The following SLC13A1 variants were observed in gnomAD, a reference collection of about 807,000 sequenced individuals.
The protein encoded by SLC13A1 is solute carrier family 13 member 1, also known as Na(+)/sulfate cotransporter.
Under a neutral mutation model 70.0 loss-of-function variants are expected in SLC13A1, and 65 were observed. The ratio of observed to expected loss-of-function variants is 0.93; its 90% CI spans 0.76 to 1.14. The LOEUF is 1.14. SLC13A1 is among the 50% of genes most tolerant of loss of function. The probability of loss-of-function intolerance (pLI) is 0.00; values close to 1 mark genes in which losing one functional copy is unlikely to be tolerated. For synonymous variants in SLC13A1, 275 were observed against 250.5 expected (o/e 1.10, Z -0.92); for missense variants, 726 against 717.8 (o/e 1.01, Z -0.13).
Position 123,133,622 on chromosome 7 carries a change from C to T in SLC13A1, c.932+788G>A, listed in dbSNP as rs1793844208. On this transcript the variant is annotated intron_variant, in intron 8 of 14. Transcript: ENST00000194130. ...GCGAGATCTTGGCTCACTGCAACCT[C>T]CGCCTCCCGGGTTCAAGCAATTCTC... Among the ~76,000 whole-genome samples, 3 of 152,250 alleles carry T rather than the reference C, an allele frequency of 2.0e-5. No individual in the cohort carries two copies. The South Asian group carries it at 6.2e-4, about 32-fold the overall frequency.
At chr7:123,179,904 CCTT>C (rs1460780661) in intron 2 of SLC13A1, among the ~76,000 whole-genome samples, 7 of 152,096 alleles carry the variant, frequency 4.6e-5, no homozygotes, top group African/African-American at 1.7e-4. Context: ...CTGATCAACC[CCTT>C]CTTTTTTTAT....
intron 2 of SLC13A1, among the ~76,000 whole-genome samples, chr7:123,174,017 T>C (rs1795363511): frequency 6.6e-6 from 1 of 151,884 alleles, no homozygotes; most frequent in Non-Finnish European, 1.5e-5. Context: ...CTGTGAATTT[T>C]TCTTTTTTTT....
chr7:123,156,136 C>G (rs775360227), intron 6 of SLC13A1, among the ~76,000 whole-genome samples: 1 of 152,028 alleles, frequency 6.6e-6, no homozygotes, highest in Non-Finnish European at 1.5e-5. Flanking sequence ...TGGCTTTTTT[C>G]ATTACCGATT....
At chr7:123,142,764 T>A (rs960188308) in intron 7 of SLC13A1, among the ~76,000 whole-genome samples, 1 of 150,958 alleles carries the variant, frequency 6.6e-6, no homozygotes, top group Non-Finnish European at 1.5e-5. Flanking sequence ...ACTACAGATA[T>A]GTGCCACCAT....
chr7:123,126,706 T>C (rs1793574000), intron 10 of SLC13A1, among the ~76,000 whole-genome samples: 1 of 152,120 alleles, frequency 6.6e-6, no homozygotes, highest in East Asian at 1.9e-4. Context: ...TTTTCTTTCA[T>C]TACTAGTTAA....
chr7:123,122,133 C>G (rs1206192305), intron 12 of SLC13A1, among the ~76,000 whole-genome samples: 1 of 152,034 alleles, frequency 6.6e-6, no homozygotes, highest in Non-Finnish European at 1.5e-5. Flanking sequence ...CTTTGAGTGT[C>G]TAGGATCCAA....
chr7:123,148,676 G>A, intron 6 of SLC13A1: 1 of 284,800 alleles, frequency 3.5e-6, no homozygotes, highest in Non-Finnish European at 7.0e-6. Flanking sequence ...CATTTCAGTA[G>A]TTAAACAGTG....
chr7:123,196,043 A>G (rs1796166211), intron 1 of SLC13A1, among the ~76,000 whole-genome samples: 1 of 152,114 alleles, frequency 6.6e-6, no homozygotes, highest in South Asian at 2.1e-4. Context: ...TGACTGCTGA[A>G]AAGAGTAAAA....
chr7:123,133,429 C>T (rs1793837066), intron 8 of SLC13A1, among the ~76,000 whole-genome samples: 1 of 150,314 alleles, frequency 6.7e-6, no homozygotes, highest in Non-Finnish European at 1.5e-5. Context: ...TTAAAATTCC[C>T]CTTTAACAAG....
At chr7:123,175,936 G>A (rs1480011341) in intron 2 of SLC13A1, among the ~76,000 whole-genome samples, 3 of 152,182 alleles carry the variant, frequency 2.0e-5, no homozygotes, top group Non-Finnish European at 4.4e-5. Context: ...ATATTGTAGA[G>A]GGCCAAGCAG....
At chr7:123,157,358 GAT>G (rs1212096309) in intron 6 of SLC13A1, among the ~76,000 whole-genome samples, 1 of 152,020 alleles carries the variant, frequency 6.6e-6, no homozygotes, top group Non-Finnish European at 1.5e-5. Flanking sequence ...TGTGAATTTG[GAT>G]ATGTTTATAA....
intron 2 of SLC13A1, among the ~76,000 whole-genome samples, chr7:123,173,110 T>C (rs1308134708): frequency 1.3e-5 from 2 of 151,984 alleles, no homozygotes; most frequent in Non-Finnish European, 1.5e-5. Flanking sequence ...TCTAAAAAAA[T>C]CAAACAATAG....
chr7:123,137,295 A>G (rs1204982972), intron 7 of SLC13A1, among the ~76,000 whole-genome samples: 5 of 152,090 alleles, frequency 3.3e-5, no homozygotes, highest in Non-Finnish European at 7.4e-5. Context: ...TTCTGTGTGG[A>G]TGGAATCTGT....
intron 12 of SLC13A1, among the ~76,000 whole-genome samples, chr7:123,119,673 T>C (rs1161555213): frequency 6.6e-6 from 1 of 151,986 alleles, no homozygotes; most frequent in Non-Finnish European, 1.5e-5. Context: ...ATAGTTACCT[T>C]TTAAAATAAT....
intron 9 of SLC13A1, 47 bp from the exon 10 acceptor site, chr7:123,128,993 A>C: frequency 7.8e-7 from 1 of 1,284,782 alleles, no homozygotes; most frequent in Non-Finnish European, 1.1e-6. Flanking sequence ...CTCAGTCGGG[A>C]CATTTGTAGA....
Position 123,169,220 on chromosome 7 carries a change from C to A in SLC13A1, c.481G>T (p.Ala161Ser). The change falls in exon 4 of 15, where the codon GCA (alanine) becomes TCA (serine). Residue 161 changes from alanine to serine, a missense_variant. Coordinates refer to ENST00000194130, the MANE Select transcript of SLC13A1 (RefSeq NM_022444.4). ...TGAGTGGCCTCGACCTCTGCTTCTG[C>A]ATTGATGATCTGCTGCACTACAGCC... The part of the protein sequence containing the change: ...AEAVVQQIIN[A>S]EAEVEATQMT... 6.2e-7 allele frequency: 1 copy of A among 1,614,112 alleles called. No homozygotes were observed. Among genetic ancestry groups the A allele is most frequent in the Middle Eastern group, 1.7e-4 (1 of 6,058 alleles).
Position 123,117,584 on chromosome 7 carries a change from G to C in SLC13A1, c.1537C>G (p.Leu513Val). ...PLAEAIHVNP[L>V]YILIPSTLCT... ...AGAGTAGAAGGTATCAGAATATAAA[G>C]AGGGTTCACATGAATGGCTTCGGCC... is the stretch of plus-strand genomic sequence containing the variant. Residue 513 changes from leucine (L) to valine (V), a missense_variant, in exon 14 of 15, where the codon CTT (leucine) becomes GTT (valine). Leu to Val is a conservative substitution (Grantham distance 32, BLOSUM62 1). Transcript: ENST00000194130. 1 of 1,610,046 alleles carries C rather than the reference G, an allele frequency of 6.2e-7. No individual in the cohort carries two copies. Among genetic ancestry groups the C allele is most frequent in the Non-Finnish European group, 8.5e-7 (1 of 1,177,470 alleles).
At chr7:123,161,469 T>G (rs1042694910) in intron 6 of SLC13A1, among the ~76,000 whole-genome samples, 1 of 152,162 alleles carries the variant, frequency 6.6e-6, no homozygotes, top group South Asian at 2.1e-4. Flanking sequence ...ATAGAAAATC[T>G]GAATACTCTT....
At position 123,116,707 on chromosome 7, in the gene SLC13A1, T is replaced by C. The variant is rs76753888; in HGVS notation, c.1650+764A>G. On this transcript the variant is annotated intron_variant, in intron 14 of 14. Coordinates refer to ENST00000194130, the MANE Select transcript of SLC13A1 (RefSeq NM_022444.4). ...TGTAGAGGCAGTTCTAGAATGTTTA[T>C]GTTGCAGGAGCTTAGGAACAGCAGT... Among the ~76,000 whole-genome samples the C allele has an allele frequency of 3.6e-3, 551 of 152,322 alleles. 2 individuals carry two copies. The highest frequency in any genetic ancestry group is 0.012 in the African/African-American group (519 of 41,574).
Sources: allele counts gnomAD v4.1 joint callset (sites outside exome capture counted in the v4.1 genomes callset), GRCh38; gene constraint gnomAD v4.1.1; transcripts MANE v1.5; gene names NCBI Gene and HGNC (gene_info 2026-07-23, HGNC 2026-07-21).